The following GRIA1 variants were observed in gnomAD, a reference collection of about 807,000 sequenced individuals.
The protein encoded by GRIA1 is glutamate ionotropic receptor AMPA type subunit 1.
Under a neutral mutation model 99.2 loss-of-function variants are expected in GRIA1, and 31 were observed. That is an observed-to-expected ratio of 0.31 (90% CI 0.23 to 0.42). The LOEUF (loss-of-function observed/expected upper bound fraction) is 0.42. Ranked by LOEUF, GRIA1 falls within the 10% of genes least tolerant of loss-of-function variation. GRIA1 has a pLI of 1.00. For missense variants in GRIA1, 782 were observed against 1,157.5 expected, an observed-to-expected ratio of 0.68 and a Z score of 4.71; for synonymous variants, 438 against 432.4, an observed-to-expected ratio of 1.01 and a Z score of -0.16.
At chr5:153,510,496 A>C (rs1156889447) in intron 2 of GRIA1, among the ~76,000 whole-genome samples, 1 of 152,130 alleles carries the variant, frequency 6.6e-6, no homozygotes, top group Non-Finnish European at 1.5e-5. Flanking sequence ...TGAGAACAGA[A>C]AGGTTGGGGG....
rs376123993 is a variant in GRIA1 at position 153,811,090 on chromosome 5, C to T, written c.2586C>T (p.Asn862=). The T allele has an allele frequency of 1.5e-5, 25 of 1,613,500 alleles. No homozygotes were observed. In the African/African-American group the frequency reaches 1.9e-4, roughly 12 times the overall value. Residue 862 remains asparagine (N), a synonymous_variant, in exon 16 of 16, where the codon AAC becomes AAT. Transcript: ENST00000285900. ...TACGGACATCGACCCTCCCCCGCAA[C>T]AGCGGGGCAGGAGCCAGCAGCGGCG... The part of the protein sequence containing the change: ...EAIRTSTLPR[N]SGAGASSGGS...
chr5:153,563,520 C>T (rs1761339793), intron 2 of GRIA1, among the ~76,000 whole-genome samples: 1 of 152,204 alleles, frequency 6.6e-6, no homozygotes. Context: ...GTCTATGGCT[C>T]AGAGGCCTTG....
intron 2 of GRIA1, among the ~76,000 whole-genome samples, chr5:153,539,268 A>T (rs1758854761): frequency 1.3e-5 from 2 of 152,266 alleles, no homozygotes; most frequent in African/African-American, 2.4e-5. Context: ...AAATTAAAAC[A>T]AAGCATTGTT....
intron 11 of GRIA1, among the ~76,000 whole-genome samples, chr5:153,746,976 C>T (rs1056334372): frequency 2.6e-5 from 4 of 152,274 alleles, no homozygotes; most frequent in African/African-American, 7.2e-5. Flanking sequence ...TCTGGGCTCA[C>T]ATTTCAACCC....
At chr5:153,624,365 A>G (rs949494092) in intron 2 of GRIA1, among the ~76,000 whole-genome samples, 1 of 152,162 alleles carries the variant, frequency 6.6e-6, no homozygotes, top group African/African-American at 2.4e-5. Flanking sequence ...GACTTTGAGT[A>G]TATGGGCCTC....
chr5:153,498,896 G>A (rs757931212), intron 2 of GRIA1, among the ~76,000 whole-genome samples: 3 of 152,120 alleles, frequency 2.0e-5, no homozygotes, highest in Non-Finnish European at 4.4e-5. Flanking sequence ...AAATTATGTT[G>A]TTTGGGCAGG....
intron 5 of GRIA1, among the ~76,000 whole-genome samples, chr5:153,658,767 G>A (rs745789288): frequency 2.0e-5 from 3 of 152,176 alleles, no homozygotes; most frequent in Non-Finnish European, 4.4e-5. Flanking sequence ...AACAAAAGGA[G>A]GGAGCTACAC....
chr5:153,705,407 CA>C (rs758401783), intron 10 of GRIA1, among the ~76,000 whole-genome samples: 13 of 152,048 alleles, frequency 8.5e-5, no homozygotes, highest in Non-Finnish European at 1.9e-4. Flanking sequence ...GCTGAGCAGG[CA>C]AAAACAACAG....
chr5:153,734,901 G>A (rs186732726), intron 11 of GRIA1, among the ~76,000 whole-genome samples: 11 of 152,300 alleles, frequency 7.2e-5, no homozygotes, highest in South Asian at 2.1e-4. Context: ...TCCAGCCAGA[G>A]AGCAATTTGA....
rs115294834 is a variant in GRIA1 at position 153,612,465 on chromosome 5, C to T, written c.221-34463C>T. ...GTTAACTTATCTGAGCCTCTGTTTC[C>T]TCATGTATACAAGGTGGATATTAGA... On this transcript the variant is annotated intron_variant, in intron 2 of 15. Transcript: ENST00000285900. 9.8e-3 allele frequency among the ~76,000 whole-genome samples: 1,498 copies of T among 152,284 alleles called. 23 individuals carry two copies. Among genetic ancestry groups the T allele is most frequent in the African/African-American group, 0.034 (1,416 of 41,552 alleles).
At chr5:153,619,415 T>C (rs1221797171) in intron 2 of GRIA1, among the ~76,000 whole-genome samples, 4 of 152,140 alleles carry the variant, frequency 2.6e-5, no homozygotes, top group Non-Finnish European at 5.9e-5. Context: ...GTTAGGGCAT[T>C]TTCTCTGGGG....
At chr5:153,510,843 T>G (rs10476795) in intron 2 of GRIA1, among the ~76,000 whole-genome samples, 10,382 of 152,200 alleles carry the variant, frequency 0.068, 1,146 homozygotes, top group African/African-American at 0.23. Flanking sequence ...ACAGGGTTCA[T>G]TTTTAAAGTG....
At chr5:153,751,591 T>G (rs1324077788) in intron 11 of GRIA1, among the ~76,000 whole-genome samples, 1 of 152,212 alleles carries the variant, frequency 6.6e-6, no homozygotes, top group Non-Finnish European at 1.5e-5. Flanking sequence ...CCCACAAGCC[T>G]GAAATATTCA....
chr5:153,643,834 C>T (rs1448373040), intron 2 of GRIA1, among the ~76,000 whole-genome samples: 2 of 152,170 alleles, frequency 1.3e-5, no homozygotes, highest in Non-Finnish European at 2.9e-5. Flanking sequence ...ATGTCCTGGC[C>T]TCCTGTGTGT....
At chr5:153,620,689 A>AT (rs1035322328) in intron 2 of GRIA1, among the ~76,000 whole-genome samples, 1 of 152,102 alleles carries the variant, frequency 6.6e-6, no homozygotes, top group Admixed American at 6.6e-5. Flanking sequence ...ATACTATTTC[A>AT]TTTTTTTGGT....
chr5:153,783,425 G>T (rs1006917146), intron 13 of GRIA1, among the ~76,000 whole-genome samples: 1 of 152,212 alleles, frequency 6.6e-6, no homozygotes, highest in African/African-American at 2.4e-5. Context: ...TTTACTGTGA[G>T]CTGCAAATGA....
chr5:153,576,649 AAAGGTTATCTCCAGAT>A (rs1307673411), intron 2 of GRIA1, among the ~76,000 whole-genome samples: 1 of 152,228 alleles, frequency 6.6e-6, no homozygotes, highest in East Asian at 1.9e-4. Flanking sequence ...TTAAAAAATT[AAAGGTTATCTCCAGAT>A]AATTCCCCAA....
intron 5 of GRIA1, among the ~76,000 whole-genome samples, chr5:153,658,645 T>C (rs1755127690): frequency 6.6e-6 from 1 of 152,234 alleles, no homozygotes; most frequent in Non-Finnish European, 1.5e-5. Context: ...ATTTTTAGAA[T>C]TTCTGCCACA....
chr5:153,721,379 C>T (rs1222454938), intron 11 of GRIA1, among the ~76,000 whole-genome samples: 1 of 152,104 alleles, frequency 6.6e-6, no homozygotes, highest in Non-Finnish European at 1.5e-5. Context: ...ATATAACACA[C>T]AAATAAATAA....
Sources: allele counts gnomAD v4.1 joint callset (sites outside exome capture counted in the v4.1 genomes callset), GRCh38; gene constraint gnomAD v4.1.1; transcripts MANE v1.5; gene names NCBI Gene and HGNC (gene_info 2026-07-23, HGNC 2026-07-21).